NFKBIA: variants seen among roughly 807,000 people sequenced by gnomAD.
The protein encoded by NFKBIA is NFKB inhibitor alpha.
A neutral mutation model predicts 36.3 loss-of-function variants in NFKBIA; 10 were observed. The observed-to-expected ratio is 0.28, with a 90% CI of 0.17 to 0.47. NFKBIA has a LOEUF of 0.47. NFKBIA is among the 20% of genes least tolerant of loss of function. The probability of loss-of-function intolerance (pLI) is 0.99; values close to 1 mark genes in which losing one functional copy is unlikely to be tolerated. For missense variants in NFKBIA, 355 were observed against 399.3 expected (o/e 0.89, Z 0.94); for synonymous variants, 205 against 164.4 (o/e 1.25, Z -1.89).
intron 3 of NFKBIA, 110 bp from the exon 4 acceptor site, chr14:35,402,969 G>C: frequency 1.6e-6 from 2 of 1,284,320 alleles, no homozygotes; most frequent in Non-Finnish European, 2.2e-6. Flanking sequence ...AGAACCCACA[G>C]TCTGGGTTCT....
intron 5 of NFKBIA, 137 bp from the exon 6 acceptor site, chr14:35,402,197 T>TGA: frequency 7.9e-7 from 1 of 1,264,694 alleles, no homozygotes; most frequent in Non-Finnish European, 1.1e-6. Context: ...CTTTACAGGC[T>TGA]GAGAGAGTTT....
Position 35,403,306 on chromosome 14 carries a change from G to A in NFKBIA, c.391C>T (p.Leu131=), listed in dbSNP as rs773256852. The change falls in exon 3 of 6, where the codon CTG becomes TTG. Residue 131 remains leucine (L), a synonymous_variant. Coordinates refer to ENST00000216797, the MANE Select transcript of NFKBIA (RefSeq NM_020529.3). ...AGCTCAGGATCACAGCCAGCTCCCA[G>A]AAGTGCCTCAGCAATTTCTGGCTGG... ...TNQPEIAEAL[L]GAGCDPELRD... 1.2e-6 allele frequency: 2 copies of A among 1,613,986 alleles called. No homozygotes were observed. The highest frequency in any genetic ancestry group is 1.3e-5 in the African/African-American group (1 of 74,936).
chr14:35,402,359 ATTAG>A (rs754156035), intron 5 of NFKBIA, 31 bp downstream of exon 5: 122 of 1,613,556 alleles, frequency 7.6e-5, no homozygotes, highest in Non-Finnish European at 1.0e-4. Flanking sequence ...ATGGCACCTC[ATTAG>A]TTAGAGCGCC....
At chr14:35,403,119 G>T in intron 3 of NFKBIA, 31 bp downstream of exon 3, 1 of 1,598,728 alleles carries the variant, frequency 6.3e-7, no homozygotes, top group Non-Finnish European at 8.6e-7. Flanking sequence ...GCCCTCCGAG[G>T]GGGTGGGGCA....
Position 35,401,947 on chromosome 14 carries a change from T to G in NFKBIA, c.*66A>C. The G allele has an allele frequency of 6.3e-7, 1 of 1,584,910 alleles. No individual in the cohort carries two copies. Among genetic ancestry groups the G allele is most frequent in the South Asian group, 1.1e-5 (1 of 89,464 alleles). ...TAAATTTTTTCTTCTTTTTTCTTTT[T>G]TTAGAAAAATAAAACTTTTTTTTTG... On this transcript the variant is annotated 3_prime_UTR_variant, in exon 6 of 6. Transcript: ENST00000216797.
At chr14:35,402,091 G>C in intron 5 of NFKBIA, 31 bp from the exon 6 acceptor site, 1 of 1,613,826 alleles carries the variant, frequency 6.2e-7, no homozygotes, top group African/African-American at 1.3e-5. Context: ...GACACGTTAA[G>C]CTTCCGGAGC....
chr14:35,401,969 T>C lies in NFKBIA; in HGVS notation c.*44A>G, dbSNP rs753264298. Reference sequence around the variant, plus strand: ...TTTTTTAGAAAAATAAAACTTTTTTTTTGTACAAATATACAAGTCCATGTT... The same window carrying C: ...TTTTTTAGAAAAATAAAACTTTTTTCTTGTACAAATATACAAGTCCATGTT... On this transcript the variant is annotated 3_prime_UTR_variant, in exon 6 of 6. Transcript: ENST00000216797. 1.9e-6 allele frequency: 3 copies of C among 1,607,062 alleles called. No individual in the cohort carries two copies. The South Asian group carries it at 3.3e-5, about 18-fold the overall frequency.
At chr14:35,403,582 G>T in intron 2 of NFKBIA, 108 bp downstream of exon 2, 2 of 892,550 alleles carry the variant, frequency 2.2e-6, no homozygotes, top group South Asian at 2.8e-5. Flanking sequence ...TAAAAGGTGA[G>T]GGTAAATAGT....
Position 35,403,807 on chromosome 14 carries a change from AAG to A in NFKBIA, c.228-11_228-10del. On this transcript the variant is annotated splice_polypyrimidine_tract_variant and intron_variant, in intron 1 of 5. Transcript: ENST00000216797. The stretch of plus-strand genomic sequence containing the variant: ...TGGCCAAGTGCAGGAACCTGTGGGG[AAG>A]AGAGGGAAAAACCCCAGGGGTGGTG... 1.2e-6 allele frequency: 2 copies of A among 1,606,010 alleles called. No individual in the cohort carries two copies. The highest frequency in any genetic ancestry group is 1.7e-6 in the Non-Finnish European group (2 of 1,174,144).
chr14:35,404,030 A>G (rs2052759735), intron 1 of NFKBIA: 1 of 529,372 alleles, frequency 1.9e-6, no homozygotes, highest in East Asian at 3.3e-5. Context: ...CCCTCCCGCC[A>G]GCTCGGAACG....
chr14:35,403,822 C>A, intron 1 of NFKBIA, 24 bp from the exon 2 acceptor site: 2 of 1,575,624 alleles, frequency 1.3e-6, no homozygotes, highest in South Asian at 1.1e-5. Flanking sequence ...AGGGAAAAAC[C>A]CCAGGGGTGG....
intron 3 of NFKBIA, 39 bp from the exon 4 acceptor site, chr14:35,402,898 C>A: frequency 1.3e-6 from 2 of 1,562,290 alleles, no homozygotes; most frequent in Non-Finnish European, 1.8e-6. Context: ...CCACCTGTTT[C>A]AACCCTCACT....
chr14:35,403,517 C>T lies in NFKBIA; in HGVS notation c.337-157G>A, dbSNP rs1367629881. The T allele has an allele frequency of 1.4e-5, 13 of 910,348 alleles. No homozygotes were observed. In the South Asian group the frequency reaches 1.5e-4, roughly 11 times the overall value. 56.4% of individuals were successfully genotyped at this position (910,348 alleles called of 1,614,324 possible). On this transcript the variant is annotated intron_variant, in intron 2 of 5. Transcript: ENST00000216797. Reference sequence around the variant, plus strand: ...AGAGGCTCCAGGTGGGTCATAAAGACCTCACCAAATCAGTGGAATTTCCTT... The same window carrying T: ...AGAGGCTCCAGGTGGGTCATAAAGATCTCACCAAATCAGTGGAATTTCCTT...
chr14:35,401,959 A>C lies in NFKBIA; in HGVS notation c.*54T>G, dbSNP rs191372109. The C allele has an allele frequency of 3.1e-6, 5 of 1,600,212 alleles. No individual in the cohort carries two copies. The East Asian group carries it at 8.9e-5, about 29-fold the overall frequency. ...TCTTTTTTCTTTTTTTAGAAAAATAAAACTTTTTTTTTGTACAAATATACA... is the reference window on the plus strand; with the variant it reads ...TCTTTTTTCTTTTTTTAGAAAAATACAACTTTTTTTTTGTACAAATATACA... On this transcript the variant is annotated 3_prime_UTR_variant, in exon 6 of 6. Transcript: ENST00000216797.
chr14:35,401,915 C>T lies in NFKBIA; in HGVS notation c.*98G>A. 1 of 1,365,664 alleles carries T rather than the reference C, an allele frequency of 7.3e-7. No homozygotes were observed. Among genetic ancestry groups the T allele is most frequent in the Non-Finnish European group, 1.0e-6 (1 of 964,052 alleles). 84.6% of individuals were successfully genotyped at this position (1,365,664 alleles called of 1,614,324 possible). On this transcript the variant is annotated 3_prime_UTR_variant, in exon 6 of 6. Transcript: ENST00000216797. ...GCAGTGTGCAGTGTGGATATAAGTA[C>T]ACCCTTTAAATTTTTTCTTCTTTTT...
In NFKBIA at chr14:35,403,319, A is replaced by C. The variant is rs774847049; in HGVS notation, c.378T>G (p.Ile126Met). 6.2e-7 allele frequency: 1 copy of C among 1,614,050 alleles called. No individual in the cohort carries two copies. The highest frequency in any genetic ancestry group is 1.1e-5 in the South Asian group (1 of 91,076). ...HLAVITNQPE[I>M]AEALLGAGCD... is the part of the protein sequence containing the mutation. The stretch of plus-strand genomic sequence containing the variant: ...AGCCAGCTCCCAGAAGTGCCTCAGC[A>C]ATTTCTGGCTGGTTGGTGATCACAG... Residue 126 changes from isoleucine to methionine, a missense_variant, in exon 3 of 6, where the codon ATT becomes ATG. Transcript: ENST00000216797.
At chr14:35,402,951 G>T in intron 3 of NFKBIA, 92 bp from the exon 4 acceptor site, 2 of 1,361,926 alleles carry the variant, frequency 1.5e-6, no homozygotes, top group South Asian at 1.2e-5. Context: ...CTTATCTTCT[G>T]AATTTTAAGA....
Position 35,404,740 on chromosome 14 carries a change from G to A in NFKBIA, c.-96C>T, listed in dbSNP as rs1037979982. The stretch of plus-strand genomic sequence containing the variant: ...GCGCTGGCGGGCGGGACGGCGGCAC[G>A]GACTGCTGTGGGCTCTGCAGCGCCG... On this transcript the variant is annotated 5_prime_UTR_variant, in exon 1 of 6. Transcript: ENST00000216797. 7 of 825,630 alleles carry A rather than the reference G, an allele frequency of 8.5e-6. No individual in the cohort carries two copies. The highest frequency in any genetic ancestry group is 4.0e-4 in the Middle Eastern group (1 of 2,522). 51.1% of individuals were successfully genotyped at this position (825,630 alleles called of 1,614,324 possible).
chr14:35,402,922 C>T, intron 3 of NFKBIA, 63 bp from the exon 4 acceptor site: 1 of 1,491,908 alleles, frequency 6.7e-7, no homozygotes, highest in Non-Finnish European at 9.3e-7. Context: ...TTCACCTATT[C>T]TTTTATGGAA....
Sources: gnomAD v4.1 joint callset for allele counts on GRCh38, gnomAD v4.1.1 for gene constraint, MANE v1.5 for transcripts, NCBI Gene and HGNC (gene_info 2026-07-23, HGNC 2026-07-21) for gene names.